Variants in MACF1 observed in about 807,000 individuals in gnomAD.
MACF1 encodes the protein microtubule actin crosslinking factor 1.
A neutral mutation model predicts 854.8 loss-of-function variants in MACF1; 193 were observed. The ratio of observed to expected loss-of-function variants is 0.23; its 90% CI spans 0.20 to 0.25. The LOEUF (loss-of-function observed/expected upper bound fraction) is 0.25, where lower values mean the gene tolerates loss of function less well. Among genes scored for constraint, MACF1 ranks in the 10% least tolerant of loss-of-function variants. MACF1 has a pLI of 1.00. For missense variants in MACF1, 7,722 were observed against 8,929.1 expected, an observed-to-expected ratio of 0.86 and a Z score of 5.45; for synonymous variants, 3,185 against 3,226.7, an observed-to-expected ratio of 0.99 and a Z score of 0.44.
intron 22 of MACF1, among the ~76,000 whole-genome samples, 186 bp from the exon 23 acceptor site, chr1:39,302,738 T>C (rs1646075358): frequency 6.6e-6 from 1 of 152,244 alleles, no homozygotes; most frequent in Admixed American, 6.5e-5. Context: ...TGTCACAGTT[T>C]TTCCTGTGTT....
chr1:39,389,351 G>GTTTTT lies in MACF1; in HGVS notation c.15816+714_15816+718dup, dbSNP rs10588247. On this transcript the variant is annotated intron_variant, in intron 58 of 100. Coordinates refer to ENST00000564288, the MANE Select transcript of MACF1 (RefSeq NM_001394062.1). ...ATCTTCAGGTCTCTGGTTTTTGTGT[G>GTTTTT]TTTTTTTTTTTTTTTTTTTTTTTTT... Among the ~76,000 whole-genome samples the GTTTTT allele has an allele frequency of 5.2e-3, 332 of 63,464 alleles. 20 individuals are homozygous for GTTTTT. Among genetic ancestry groups the GTTTTT allele is most frequent in the African/African-American group, 0.011 (198 of 17,628 alleles). The allele number at this position is 63,464 out of a possible 152,430, so 41.6% of individuals were successfully genotyped here. A position where few individuals can be genotyped will look rare whatever the true frequency, so the allele number is the denominator to read the frequency against.
chr1:39,234,912 GC>G (rs1439848120), intron 2 of MACF1, among the ~76,000 whole-genome samples: 3 of 149,808 alleles, frequency 2.0e-5, no homozygotes, highest in African/African-American at 7.3e-5. Flanking sequence ...ACGATAGGCG[GC>G]CGGGCAGAGA....
At chr1:39,199,884 A>G (rs949886651), upstream of MACF1, among the ~76,000 whole-genome samples, 8 of 152,116 alleles carry the variant, frequency 5.3e-5, no homozygotes, top group South Asian at 2.1e-4. Context: ...TATGTCATCA[A>G]TTTTTCCTTT....
chr1:39,269,908 A>C (rs1449739041), intron 6 of MACF1, among the ~76,000 whole-genome samples: 3 of 152,214 alleles, frequency 2.0e-5, no homozygotes, highest in Non-Finnish European at 4.4e-5. Flanking sequence ...GCTTGAAACC[A>C]AGACTTGTCT....
intron 1 of MACF1, among the ~76,000 whole-genome samples, chr1:39,218,076 G>T (rs966086743): frequency 2.6e-5 from 4 of 151,312 alleles, no homozygotes; most frequent in African/African-American, 9.7e-5. Flanking sequence ...CTAGCTACTC[G>T]GGAGGCTGAG....
chr1:39,478,863 A>G (rs770464248), intron 97 of MACF1, among the ~76,000 whole-genome samples: 8 of 152,340 alleles, frequency 5.3e-5, no homozygotes, highest in Middle Eastern at 6.8e-3. Flanking sequence ...CTAGTACTTC[A>G]TAAAGAGTGC....
chr1:39,102,442 G>GGGGC (rs1642117229), intron 2 of MACF1, among the ~76,000 whole-genome samples: 1 of 149,530 alleles, frequency 6.7e-6, no homozygotes, highest in Non-Finnish European at 1.5e-5. Flanking sequence ...GGCGGGGGGG[G>GGGGC]GGTCAAGGAA....
At chr1:39,240,355 G>T (rs556230970) in intron 2 of MACF1, among the ~76,000 whole-genome samples, 2 of 152,122 alleles carry the variant, frequency 1.3e-5, no homozygotes, top group Admixed American at 6.5e-5. Flanking sequence ...GGCTGTCTTT[G>T]CCTGGACCTG....
At chr1:39,182,399 C>T (rs978471028) in intron 2 of MACF1, among the ~76,000 whole-genome samples, 1 of 96,452 alleles carries the variant, frequency 1.0e-5, no homozygotes, top group African/African-American at 2.7e-5. Flanking sequence ...CTTCAAAGGA[C>T]ACTACCTAGA....
At chr1:39,410,047 C>A in intron 58 of MACF1, 1 of 441,900 alleles carries the variant, frequency 2.3e-6, no homozygotes, top group Non-Finnish European at 4.0e-6. Context: ...CGTCTGTCAA[C>A]CATGAGGCTG....
intron 1 of MACF1, among the ~76,000 whole-genome samples, chr1:39,210,241 A>G (rs1349525838): frequency 2.6e-5 from 4 of 152,126 alleles, no homozygotes; most frequent in Non-Finnish European, 5.9e-5. Flanking sequence ...GTCATCTACA[A>G]ACTAGTTAAG....
intron 47 of MACF1, 127 bp from the exon 48 acceptor site, chr1:39,360,666 A>T (rs1198916067): frequency 3.7e-6 from 1 of 270,268 alleles, no homozygotes; most frequent in Non-Finnish European, 6.1e-6. Flanking sequence ...TTAAGACCAC[A>T]TCCATATAAT....
At position 39,295,809 on chromosome 1, in the gene MACF1, C is replaced by T. The variant is rs748190806; in HGVS notation, c.2282C>T (p.Ser761Phe). 5 of 1,613,830 alleles carry T rather than the reference C, an allele frequency of 3.1e-6. No homozygotes were observed. In the South Asian group the frequency reaches 4.4e-5, roughly 14 times the overall value. The change falls in exon 20 of 101, where the codon TCC becomes TTC. Residue 761 changes from serine to phenylalanine, a missense_variant. By Grantham distance (155) the Ser-to-Phe change is radical (BLOSUM62 -2). Coordinates refer to ENST00000564288, the MANE Select transcript of MACF1 (RefSeq NM_001394062.1). ...TVEAYSAAVQ[S>F]QLQWMKQLCL... ...CAGGCTTACAGTGCTGCTGTCCAGT[C>T]CCAGTTGCAGTGGATGAAGCAGCTG...
intron 58 of MACF1, among the ~76,000 whole-genome samples, chr1:39,394,845 CCTGT>C (rs1335839440): frequency 6.6e-6 from 1 of 152,128 alleles, no homozygotes; most frequent in Non-Finnish European, 1.5e-5. Context: ...CTTGGTATGA[CCTGT>C]CTGTCACCTG....
chr1:39,370,546 C>A (rs985840428), intron 51 of MACF1, among the ~76,000 whole-genome samples: 4 of 152,216 alleles, frequency 2.6e-5, no homozygotes, highest in Non-Finnish European at 5.9e-5. Flanking sequence ...CCATTCCCTG[C>A]AAAATCCCTT....
At chr1:39,170,120 G>C (rs12025216) in intron 2 of MACF1, among the ~76,000 whole-genome samples, 1 of 152,036 alleles carries the variant, frequency 6.6e-6, no homozygotes, top group East Asian at 1.9e-4. Context: ...GAATGCCCTT[G>C]TTCTTTATAC....
At chr1:39,238,332 A>T (rs1182668673) in intron 2 of MACF1, among the ~76,000 whole-genome samples, 1 of 152,132 alleles carries the variant, frequency 6.6e-6, no homozygotes, top group Non-Finnish European at 1.5e-5. Flanking sequence ...CTTCCTTCAC[A>T]CTTGTCTCCT....
At chr1:39,423,955 G>GTTTTTTT in intron 60 of MACF1, 73 bp from the exon 61 acceptor site, 1 of 1,368,506 alleles carries the variant, frequency 7.3e-7, no homozygotes. Context: ...GGTTTCTTTT[G>GTTTTTTT]TTTTTTTTCT....
At chr1:39,208,647 C>CA (rs1327428802) in intron 1 of MACF1, among the ~76,000 whole-genome samples, 2 of 151,896 alleles carry the variant, frequency 1.3e-5, no homozygotes, top group African/African-American at 4.8e-5. Context: ...TTTTTTGAGA[C>CA]AGAGTCTTGC....
Sources: allele counts gnomAD v4.1 joint callset (sites outside exome capture counted in the v4.1 genomes callset), GRCh38; gene constraint gnomAD v4.1.1; transcripts MANE v1.5; gene names NCBI Gene and HGNC (gene_info 2026-07-23, HGNC 2026-07-21).